Variants in PTPRT observed in about 807,000 individuals in gnomAD.
PTPRT encodes protein tyrosine phosphatase receptor type T.
A neutral mutation model predicts 176.8 loss-of-function variants in PTPRT; 56 were observed. That is an observed-to-expected ratio of 0.32 (90% CI 0.26 to 0.40). The LOEUF (loss-of-function observed/expected upper bound fraction) is 0.40, where lower values mean the gene tolerates loss of function less well. PTPRT is among the 10% of genes least tolerant of loss of function. The pLI is 1.00. For synonymous variants in PTPRT, 783 were observed against 739.0 expected, an observed-to-expected ratio of 1.06 and a Z score of -0.96; for missense variants, 1,540 against 1,908.2, an observed-to-expected ratio of 0.81 and a Z score of 3.60.
chr20:42,642,175 A>G (rs908136323), intron 7 of PTPRT, among the ~76,000 whole-genome samples: 6 of 152,166 alleles, frequency 3.9e-5, no homozygotes, highest in Non-Finnish European at 8.8e-5. Flanking sequence ...GAGGATTCAC[A>G]CACTCCTGGA....
At chr20:42,153,714 C>T (rs546763504) in intron 17 of PTPRT, among the ~76,000 whole-genome samples, 1 of 152,272 alleles carries the variant, frequency 6.6e-6, no homozygotes, top group South Asian at 2.1e-4. Context: ...CTTCCAGCTG[C>T]CTACACGTGT....
intron 1 of PTPRT, among the ~76,000 whole-genome samples, chr20:42,927,410 A>T (rs1979557143): frequency 6.6e-6 from 1 of 152,200 alleles, no homozygotes; most frequent in African/African-American, 2.4e-5. Context: ...AAATACAAAA[A>T]AATTAGACAG....
intron 5 of PTPRT, among the ~76,000 whole-genome samples, chr20:42,761,112 A>T (rs994794542): frequency 6.6e-6 from 1 of 152,180 alleles, no homozygotes; most frequent in Non-Finnish European, 1.5e-5. Flanking sequence ...GACAGGCTGC[A>T]CTAACATCCC....
intron 8 of PTPRT, among the ~76,000 whole-genome samples, chr20:42,463,747 C>T (rs935683695): frequency 3.3e-5 from 5 of 152,108 alleles, no homozygotes; most frequent in Non-Finnish European, 7.4e-5. Context: ...AGGAGTTTCC[C>T]TTGATACTTG....
intron 16 of PTPRT, among the ~76,000 whole-genome samples, chr20:42,172,174 T>TA (rs1331157555): frequency 2.0e-5 from 3 of 151,670 alleles, no homozygotes; most frequent in Admixed American, 6.6e-5. Context: ...CTTCTTGAGA[T>TA]AAAAAAACAT....
chr20:42,771,282 T>C (rs1217623483), intron 5 of PTPRT, among the ~76,000 whole-genome samples, 153 bp downstream of exon 5: 2 of 152,202 alleles, frequency 1.3e-5, no homozygotes, highest in African/African-American at 4.8e-5. Flanking sequence ...TTACCCCAGT[T>C]TGTAAGCAAG....
At chr20:42,866,783 C>T (rs975904844) in intron 2 of PTPRT, among the ~76,000 whole-genome samples, 1 of 152,112 alleles carries the variant, frequency 6.6e-6, no homozygotes, top group Non-Finnish European at 1.5e-5. Context: ...CTGCCACTTA[C>T]GTGTGATTTT....
intron 1 of PTPRT, among the ~76,000 whole-genome samples, chr20:42,925,770 G>A (rs984650414): frequency 1.3e-5 from 2 of 152,204 alleles, no homozygotes; most frequent in Admixed American, 6.5e-5. Flanking sequence ...TTCCAGGTGA[G>A]GCAGATGCTT....
At chr20:42,249,140 C>G (rs1247076494) in intron 13 of PTPRT, among the ~76,000 whole-genome samples, 2 of 151,916 alleles carry the variant, frequency 1.3e-5, no homozygotes. Flanking sequence ...TTTTTTTTCT[C>G]TCATATTGCT....
At chr20:43,111,242 C>A (rs1158451676) in intron 1 of PTPRT, among the ~76,000 whole-genome samples, 1 of 151,952 alleles carries the variant, frequency 6.6e-6, no homozygotes, top group Non-Finnish European at 1.5e-5. Context: ...GATCACTCCT[C>A]AAGAATGGTC....
At chr20:42,714,067 C>T (rs189282051) in intron 6 of PTPRT, among the ~76,000 whole-genome samples, 1 of 152,298 alleles carries the variant, frequency 6.6e-6, no homozygotes, top group Non-Finnish European at 1.5e-5. Flanking sequence ...GTAAGCAGAA[C>T]CAAGCTCTAG....
At chr20:42,091,224 T>G (rs1308727088) in intron 27 of PTPRT, among the ~76,000 whole-genome samples, 1 of 152,242 alleles carries the variant, frequency 6.6e-6, no homozygotes, top group Admixed American at 6.5e-5. Context: ...TTCCACCTAG[T>G]GCTCTCCATG....
chr20:42,193,652 G>A (rs1032420489), intron 16 of PTPRT, among the ~76,000 whole-genome samples: 19 of 152,336 alleles, frequency 1.2e-4, no homozygotes, highest in African/African-American at 4.6e-4. Flanking sequence ...GAGCTTCAGA[G>A]TGGAATTTAT....
chr20:42,714,732 C>T (rs76965889), intron 6 of PTPRT, among the ~76,000 whole-genome samples: 2,947 of 152,240 alleles, frequency 0.019, 45 homozygotes, highest in Middle Eastern at 0.037. Flanking sequence ...TTTCTAGACC[C>T]GACACAGAGA....
Position 42,115,183 on chromosome 20 carries a change from C to G in PTPRT, c.3099+16G>C, listed in dbSNP as rs1250256752. ...CTCATGGTGGACCGGCTGCCCACAGCCTCCAAGAAGCTTACCTTCTGGACT... is the reference window on the plus strand; with the variant it reads ...CTCATGGTGGACCGGCTGCCCACAGGCTCCAAGAAGCTTACCTTCTGGACT... On this transcript the variant is annotated intron_variant, in intron 22 of 30. Coordinates refer to ENST00000373187, the MANE Select transcript of PTPRT (RefSeq NM_007050.6). The G allele has an allele frequency of 6.3e-7, 1 of 1,591,048 alleles. No individual in the cohort carries two copies. The highest frequency in any genetic ancestry group is 1.7e-4 in the Middle Eastern group (1 of 5,942).
At chr20:42,040,991 G>A in the PTPRT span, among the ~76,000 whole-genome samples, 3 of 152,206 alleles carry the variant, frequency 2.0e-5, no homozygotes, top group Non-Finnish European at 4.4e-5. Flanking sequence ...TGGCTGATGT[G>A]ATGCTGCAGA....
At chr20:42,709,777 T>A (rs2076116878) in intron 6 of PTPRT, among the ~76,000 whole-genome samples, 1 of 152,108 alleles carries the variant, frequency 6.6e-6, no homozygotes, top group African/African-American at 2.4e-5. Flanking sequence ...GTTTGGAACG[T>A]CTTAGAGACT....
rs147959929 is a variant in PTPRT, at chr20:42,274,038, G to T, written c.2176+8451C>A. Among the ~76,000 whole-genome samples, 423 of 152,306 alleles carry T rather than the reference G, an allele frequency of 2.8e-3. 1 individual carries two copies. The highest frequency in any genetic ancestry group is 9.8e-3 in the African/African-American group (409 of 41,568). On this transcript the variant is annotated intron_variant, in intron 13 of 30. Transcript: ENST00000373187. The stretch of plus-strand genomic sequence containing the variant: ...GGCAGAATATAGTGGGATGGATCAT[G>T]GATCTCAGCAAAACACAAAAGGAGG...
intron 5 of PTPRT, among the ~76,000 whole-genome samples, chr20:42,764,259 G>T (rs2076953776): frequency 6.6e-6 from 1 of 152,156 alleles, no homozygotes; most frequent in African/African-American, 2.4e-5. Context: ...GGAAGAGGTG[G>T]CACTGAAGAA....
Sources: gnomAD v4.1 joint callset for allele counts (sites outside exome capture counted in the v4.1 genomes callset) on GRCh38, gnomAD v4.1.1 for gene constraint, MANE v1.5 for transcripts, NCBI Gene and HGNC (gene_info 2026-07-23, HGNC 2026-07-21) for gene names.